The following MS4A15 variants were observed in gnomAD, a reference collection of about 807,000 sequenced individuals.
MS4A15 encodes the protein membrane-spanning 4-domains subfamily A member 15.
Under a neutral mutation model 20.6 loss-of-function variants are expected in MS4A15, and 22 were observed. The ratio of observed to expected loss-of-function variants is 1.07; its 90% CI spans 0.76 to 1.52. The LOEUF is 1.52. Among genes scored for constraint, MS4A15 ranks in the 40% most tolerant of loss-of-function variants. The pLI is 0.00. For missense variants in MS4A15, 312 were observed against 323.0 expected, an observed-to-expected ratio of 0.97 and a Z score of 0.26; for synonymous variants, 129 against 129.3, an observed-to-expected ratio of 1.00 and a Z score of 0.02.
At position 60,768,571 on chromosome 11, in the gene MS4A15, G is replaced by A. The variant is rs184755010; in HGVS notation, c.348+916G>A. 1.4e-3 allele frequency among the ~76,000 whole-genome samples: 207 copies of A among 152,306 alleles called. 1 individual carries two copies. Among genetic ancestry groups the A allele is most frequent in the African/African-American group, 4.5e-3 (189 of 41,564 alleles). The stretch of plus-strand genomic sequence containing the variant: ...GCACAGGCCTCAGGGTCAGGTCAAC[G>A]GGGTCTGAATCTCAGCTTCACCGCA... On this transcript the variant is annotated intron_variant, in intron 3 of 6. Coordinates refer to ENST00000405633, the MANE Select transcript of MS4A15 (RefSeq NM_001098835.2).
intron 4 of MS4A15, 23 bp downstream of exon 4, chr11:60,771,370 A>G (rs770116005): frequency 6.8e-6 from 11 of 1,613,798 alleles, no homozygotes; most frequent in Non-Finnish European, 9.3e-6. Flanking sequence ...AGGGGGACCC[A>G]GGGGCGGGGA....
At position 60,763,960 on chromosome 11, in the gene MS4A15, T is replaced by C; in HGVS notation, c.225+2T>C. On this transcript the variant is annotated splice_donor_variant, in intron 2 of 6. Transcript: ENST00000405633. LOFTEE classifies it high-confidence loss of function. ...ACAGGAGAGCCCAAAGTTTTGGGGG[T>C]AAGAACAGCCTCTCTGCACAACCTG... The C allele has an allele frequency of 6.2e-7, 1 of 1,609,696 alleles. No homozygotes were observed. The highest frequency in any genetic ancestry group is 8.5e-7 in the Non-Finnish European group (1 of 1,178,400).
chr11:60,759,448 A>G (rs981083929), intron 1 of MS4A15, among the ~76,000 whole-genome samples: 1 of 152,382 alleles, frequency 6.6e-6, no homozygotes, highest in Admixed American at 6.5e-5. Flanking sequence ...GTGTTGTCCA[A>G]GGTTTCCCCC....
At chr11:60,763,244 C>A in intron 1 of MS4A15, among the ~76,000 whole-genome samples, 1 of 151,966 alleles carries the variant, frequency 6.6e-6, no homozygotes, top group South Asian at 2.1e-4. Context: ...AGTTCCCATA[C>A]CCAGGGGAAT....
chr11:60,765,131 C>T (rs916705803), intron 2 of MS4A15, among the ~76,000 whole-genome samples: 1 of 152,104 alleles, frequency 6.6e-6, no homozygotes, highest in Non-Finnish European at 1.5e-5. Context: ...GGCATGATGT[C>T]ATGAGGCATT....
At chr11:60,759,881 C>T (rs887711402) in intron 1 of MS4A15, among the ~76,000 whole-genome samples, 1 of 152,126 alleles carries the variant, frequency 6.6e-6, no homozygotes, top group African/African-American at 2.4e-5. Context: ...ACCCTGTTCA[C>T]CCTGTTCTTC....
intron 1 of MS4A15, among the ~76,000 whole-genome samples, chr11:60,761,570 T>TAAGA (rs1853740448): frequency 6.6e-6 from 1 of 152,202 alleles, no homozygotes; most frequent in African/African-American, 2.4e-5. Context: ...AATCAGACTA[T>TAAGA]TGGATCTGGG....
chr11:60,763,843 C>T lies in MS4A15; in HGVS notation c.110C>T (p.Pro37Leu). 6.2e-7 allele frequency: 1 copy of T among 1,612,830 alleles called. No homozygotes were observed. The highest frequency in any genetic ancestry group is 8.5e-7 in the Non-Finnish European group (1 of 1,179,898). ...AILPTSMCQPPGIMQFEEPPL... is the reference protein window; with the variant it reads ...AILPTSMCQPLGIMQFEEPPL... ...CTGCCCACATCCATGTGCCAACCTC[C>T]AGGGATTATGCAGTTTGAGGAGCCA... Residue 37 changes from proline to leucine, a missense_variant, in exon 2 of 7, where the codon CCA becomes CTA. Coordinates refer to ENST00000405633, the MANE Select transcript of MS4A15 (RefSeq NM_001098835.2).
At chr11:60,767,226 C>T (rs747187151) in intron 2 of MS4A15, among the ~76,000 whole-genome samples, 2 of 152,080 alleles carry the variant, frequency 1.3e-5, no homozygotes, top group Non-Finnish European at 2.9e-5. Flanking sequence ...GCCATTGAAC[C>T]GAGTCCTGAG....
intron 5 of MS4A15, 64 bp downstream of exon 5, chr11:60,773,548 G>A: frequency 6.8e-7 from 1 of 1,469,922 alleles, no homozygotes; most frequent in Non-Finnish European, 9.5e-7. Context: ...TGTCCAGGAG[G>A]GTAGGGAGGT....
intron 4 of MS4A15, among the ~76,000 whole-genome samples, chr11:60,772,109 AG>A (rs1854059214): frequency 6.6e-6 from 1 of 152,164 alleles, no homozygotes; most frequent in Non-Finnish European, 1.5e-5. Flanking sequence ...GGAGTCCCTG[AG>A]CAGGTATCAC....
chr11:60,759,901 C>T (rs1406927478), intron 1 of MS4A15, among the ~76,000 whole-genome samples: 1 of 152,144 alleles, frequency 6.6e-6, no homozygotes, highest in Non-Finnish European at 1.5e-5. Flanking sequence ...CTGCCGCACC[C>T]CCCATGCCAA....
At chr11:60,758,059 G>T (rs1319794830) in intron 1 of MS4A15, among the ~76,000 whole-genome samples, 1 of 152,166 alleles carries the variant, frequency 6.6e-6, no homozygotes, top group African/African-American at 2.4e-5. Context: ...TAAATGTTTT[G>T]GTTTCAGCTG....
intron 3 of MS4A15, among the ~76,000 whole-genome samples, chr11:60,768,692 T>A (rs1456968605): frequency 6.6e-6 from 1 of 152,134 alleles, no homozygotes; most frequent in East Asian, 1.9e-4. Context: ...GCCTACCTCA[T>A]AGTTTGCAGA....
chr11:60,774,019 T>C (rs1289428282), intron 6 of MS4A15, 69 bp downstream of exon 6: 1 of 1,241,110 alleles, frequency 8.1e-7, no homozygotes, highest in Non-Finnish European at 1.2e-6. Flanking sequence ...GGCAGTTGGC[T>C]GGGAGCGCGC....
At chr11:60,774,440 G>A (rs764253196) in intron 6 of MS4A15, among the ~76,000 whole-genome samples, 9 of 152,102 alleles carry the variant, frequency 5.9e-5, no homozygotes, top group Non-Finnish European at 1.0e-4. Context: ...AACCAAAGAC[G>A]TCTTCGCAGG....
chr11:60,759,158 G>A (rs1408160653), intron 1 of MS4A15, among the ~76,000 whole-genome samples: 1 of 152,182 alleles, frequency 6.6e-6, no homozygotes, highest in Non-Finnish European at 1.5e-5. Flanking sequence ...ATGTAGAAAA[G>A]GAAGACAAAA....
intron 1 of MS4A15, 39 bp from the exon 2 acceptor site, chr11:60,763,667 C>A: frequency 1.3e-6 from 2 of 1,552,396 alleles, no homozygotes; most frequent in Non-Finnish European, 1.8e-6. Context: ...GCTTTATGCA[C>A]ATGGGTGACA....
In MS4A15 at chr11:60,773,444, G is replaced by A. The variant is rs979685168; in HGVS notation, c.458G>A (p.Gly153Glu). 5.0e-6 allele frequency: 8 copies of A among 1,613,758 alleles called. No homozygotes were observed. Among genetic ancestry groups the A allele is most frequent in the Admixed American group, 3.3e-5 (2 of 60,006 alleles). ...NILSVMAAFAGTAILLMDFGV... is the reference protein window; with the variant it reads ...NILSVMAAFAETAILLMDFGV... ...CTCAGCGTCATGGCGGCCTTTGCTG[G>A]GACAGCCATTCTGCTCATGGATTTT... The change falls in exon 5 of 7, where the codon GGG becomes GAG. Residue 153 changes from glycine to glutamate, a missense_variant. Transcript: ENST00000405633.
Sources: gnomAD v4.1 joint callset for allele counts (sites outside exome capture counted in the v4.1 genomes callset) on GRCh38, gnomAD v4.1.1 for gene constraint, MANE v1.5 for transcripts, NCBI Gene and HGNC (gene_info 2026-07-23, HGNC 2026-07-21) for gene names.